The following MAGT1 variants were observed in gnomAD, a reference collection of about 807,000 sequenced individuals.
MAGT1 encodes magnesium transporter 1.
MAGT1 carries 4 observed loss-of-function variants against 28.4 expected under a neutral mutation model. The observed-to-expected ratio is 0.14, with a 90% CI of 0.07 to 0.32. MAGT1 has a LOEUF of 0.32. Ranked by LOEUF, MAGT1 falls within the 10% of genes least tolerant of loss-of-function variation. The pLI, the probability that MAGT1 is intolerant of heterozygous loss-of-function variation, is 1.00. For missense variants in MAGT1, 193 were observed against 264.5 expected, an observed-to-expected ratio of 0.73 and a Z score of 1.88; for synonymous variants, 89 against 89.7, an observed-to-expected ratio of 0.99 and a Z score of 0.04.
At position 77,895,434 on chromosome X, in the gene MAGT1, G is replaced by C. The variant is rs2077096166; in HGVS notation, c.-24C>G. 8.3e-7 allele frequency: 1 copy of C among 1,207,363 alleles called. No individual in the cohort carries two copies. The highest frequency in any genetic ancestry group is 1.1e-6 in the Non-Finnish European group (1 of 892,862). On this transcript the variant is annotated 5_prime_UTR_variant, in exon 1 of 10. Coordinates refer to ENST00000618282, the MANE Select transcript of MAGT1 (RefSeq NM_001367916.1). ...ATGTTCGCTCCTCTCCCTTCTATAA[G>C]TGAAACTTTGCTCCGGCTAGGTCTG...
At chrX:77,895,547 T>A (rs897707593), upstream of MAGT1, 8 of 1,091,630 alleles carry the variant, frequency 7.3e-6, no homozygotes, top group African/African-American at 7.4e-5. Flanking sequence ...TCACATTACG[T>A]CACAGCGCGC....
chrX:77,872,465 A>C (rs900004522), intron 2 of MAGT1, among the ~76,000 whole-genome samples: 3 of 112,066 alleles, frequency 2.7e-5, no homozygotes, highest in Non-Finnish European at 5.6e-5. Flanking sequence ...AATCTCTTTC[A>C]CTAGTTATTG....
Position 77,860,650 on chromosome X carries a change from C to T in MAGT1, c.391-3153G>A, listed in dbSNP as rs782041880. On this transcript the variant is annotated intron_variant, in intron 3 of 9. Transcript: ENST00000618282. ...TACAAAAATTAGCCAGGTGTGGTGG[C>T]GCATGCCTATAATCCCAGCTATTTG... is the stretch of plus-strand genomic sequence containing the variant. 1.8e-3 allele frequency among the ~76,000 whole-genome samples: 203 copies of T among 110,204 alleles called. 2 individuals are homozygous for T. The highest frequency in any genetic ancestry group is 5.9e-3 in the African/African-American group (179 of 30,360).
At chrX:77,862,512 TAAAACA>T (rs1394209058) in intron 3 of MAGT1, among the ~76,000 whole-genome samples, 43 of 109,084 alleles carry the variant, frequency 3.9e-4, no homozygotes, top group African/African-American at 8.3e-4. Flanking sequence ...AAAAAGAAAA[TAAAACA>T]AAAACAAAAA....
intron 2 of MAGT1, among the ~76,000 whole-genome samples, chrX:77,872,428 T>C (rs1197371960): frequency 8.9e-6 from 1 of 112,254 alleles, no homozygotes; most frequent in Non-Finnish European, 1.9e-5. Flanking sequence ...ACTGTTGCTT[T>C]CTTATTACCT....
rs1469557398 is a variant in MAGT1 at position 77,844,830 on chromosome X, C to G, written c.827-3510G>C. Reference sequence around the variant, plus strand: ...GAGACAGTTTGTTATAATTTCTGTTCTTTTACTTTTGCTGAGGAGTGCTTT... The same window carrying G: ...GAGACAGTTTGTTATAATTTCTGTTGTTTTACTTTTGCTGAGGAGTGCTTT... On this transcript the variant is annotated intron_variant, in intron 7 of 9. Transcript: ENST00000618282. Among the ~76,000 whole-genome samples the G allele has an allele frequency of 2.7e-5, 3 of 111,436 alleles. No homozygotes were observed. The Admixed American group carries it at 2.9e-4, about 11-fold the overall frequency.
At chrX:77,847,903 T>C (rs1557215159) in intron 7 of MAGT1, among the ~76,000 whole-genome samples, 1 of 111,496 alleles carries the variant, frequency 9.0e-6, no homozygotes. Context: ...TGAGCCACCA[T>C]GCCCGGCCAA....
chrX:77,870,858 T>A lies in MAGT1; in HGVS notation c.340A>T (p.Ile114Leu). Residue 114 changes from isoleucine (I) to leucine (L), a missense_variant, in exon 3 of 10, where the codon ATA (isoleucine) becomes TTA (leucine). Ile to Leu is a conservative substitution (Grantham distance 5, BLOSUM62 2). Transcript: ENST00000618282. ...TCAAAATCCACCATGGCAAAAAATA[T>A]CCTGTTGGTGAATGCACTGGAGTAT... ...WRYSSAFTNR[I>L]FFAMVDFDEG... The A allele has an allele frequency of 8.3e-7, 1 of 1,210,597 alleles. No individual in the cohort carries two copies. Among genetic ancestry groups the A allele is most frequent in the Non-Finnish European group, 1.1e-6 (1 of 894,419 alleles).
chrX:77,878,267 C>T (rs187778680), intron 1 of MAGT1, among the ~76,000 whole-genome samples: 5 of 73,915 alleles, frequency 6.8e-5, no homozygotes, highest in Admixed American at 2.1e-4. Context: ...CCAGTCTGGG[C>T]GACAAGAGCA....
intron 3 of MAGT1, chrX:77,868,652 A>G (rs1397331013): frequency 1.3e-5 from 4 of 307,474 alleles, no homozygotes; most frequent in Non-Finnish European, 1.9e-5. Flanking sequence ...ACCTGAAACT[A>G]AAAAGAAAAA....
At chrX:77,840,528 G>A (rs1272556656) in intron 8 of MAGT1, among the ~76,000 whole-genome samples, 2 of 110,888 alleles carry the variant, frequency 1.8e-5, no homozygotes, top group Non-Finnish European at 3.8e-5. Flanking sequence ...GAAAAAAATC[G>A]GAATAGTTAA....
chrX:77,865,477 T>C (rs2077006296), intron 3 of MAGT1, among the ~76,000 whole-genome samples: 1 of 108,147 alleles, frequency 9.2e-6, no homozygotes, highest in South Asian at 4.1e-4. Context: ...TTTTTTTTTG[T>C]AGAGACAGGG....
chrX:77,895,485 T>C, upstream of MAGT1: 1 of 1,177,203 alleles, frequency 8.5e-7, no homozygotes, highest in Non-Finnish European at 1.1e-6. Flanking sequence ...AACAGGCAAA[T>C]CGGCCCCTTG....
chrX:77,830,750 T>G, intron 9 of MAGT1, 55 bp downstream of exon 9: 1 of 660,836 alleles, frequency 1.5e-6, no homozygotes, highest in African/African-American at 2.2e-5. Flanking sequence ...CAATATCAAC[T>G]CTAATCATTC....
intron 7 of MAGT1, among the ~76,000 whole-genome samples, chrX:77,844,427 G>GT (rs1408717520): frequency 3.6e-5 from 4 of 111,196 alleles, no homozygotes; most frequent in Non-Finnish European, 7.5e-5. Flanking sequence ...TTTTTGAAGG[G>GT]TTTTTTGTGT....
At chrX:77,849,584 A>T (rs1354397196) in intron 7 of MAGT1, among the ~76,000 whole-genome samples, 2 of 110,667 alleles carry the variant, frequency 1.8e-5, no homozygotes, top group Non-Finnish European at 3.8e-5. Context: ...AAATTCATCA[A>T]ACTGGACTGG....
intron 8 of MAGT1, among the ~76,000 whole-genome samples, chrX:77,831,884 T>C (rs967597893): frequency 4.5e-5 from 5 of 111,835 alleles, no homozygotes; most frequent in Non-Finnish European, 9.4e-5. Context: ...TGAGCCACGG[T>C]GCCCGGCTTA....
chrX:77,848,200 A>G (rs891653049), intron 7 of MAGT1, among the ~76,000 whole-genome samples: 1 of 112,682 alleles, frequency 8.9e-6, no homozygotes, highest in Non-Finnish European at 1.9e-5. Flanking sequence ...AAAAAGTTGA[A>G]CAAAATAAAG....
chrX:77,864,299 T>G (rs1156962374), intron 3 of MAGT1, among the ~76,000 whole-genome samples: 1 of 108,610 alleles, frequency 9.2e-6, no homozygotes, highest in African/African-American at 3.4e-5. Flanking sequence ...GAGCGGGCAA[T>G]GAAGAGAGGT....
Sources: allele counts gnomAD v4.1 joint callset (sites outside exome capture counted in the v4.1 genomes callset), GRCh38; gene constraint gnomAD v4.1.1; transcripts MANE v1.5; gene names NCBI Gene and HGNC (gene_info 2026-07-23, HGNC 2026-07-21).